FAM53A: variants seen among roughly 807,000 people sequenced by gnomAD.
FAM53A encodes family with sequence similarity 53 member A, also known as protein FAM53A.
Under a neutral mutation model 26.6 loss-of-function variants are expected in FAM53A, and 28 were observed. The observed-to-expected ratio is 1.05, with a 90% CI of 0.78 to 1.45. The LOEUF (loss-of-function observed/expected upper bound fraction) is 1.45, where lower values mean the gene tolerates loss of function less well. Ranked by LOEUF, FAM53A falls within the 40% of genes most tolerant of loss-of-function variation. The pLI is 0.00. For synonymous variants in FAM53A, 290 were observed against 253.1 expected (o/e 1.15, Z -1.38); for missense variants, 650 against 575.8 (o/e 1.13, Z -1.32).
chr4:1,576,936 T>G, the FAM53A span, among the ~76,000 whole-genome samples: 1 of 152,140 alleles, frequency 6.6e-6, no homozygotes, highest in Non-Finnish European at 1.5e-5. Context: ...CAGAGCTTAG[T>G]TGGTCTCCTC....
chr4:1,650,628 T>C (rs560125197), intron 4 of FAM53A, among the ~76,000 whole-genome samples: 1 of 152,082 alleles, frequency 6.6e-6, no homozygotes, highest in East Asian at 2.0e-4. Flanking sequence ...CCCAAGTAGC[T>C]AGGACTACAG....
intron 4 of FAM53A, among the ~76,000 whole-genome samples, chr4:1,651,311 C>T (rs1368996884): frequency 6.6e-6 from 1 of 151,350 alleles, no homozygotes; most frequent in Non-Finnish European, 1.5e-5. Flanking sequence ...GCAGGCGGAT[C>T]ACCTGAGGTC....
At chr4:1,590,837 C>A in the FAM53A span, among the ~76,000 whole-genome samples, 1 of 150,714 alleles carries the variant, frequency 6.6e-6, no homozygotes. Flanking sequence ...TATATTTAAT[C>A]TATTGTTTTA....
In FAM53A at chr4:1,630,798, G is replaced by A. The variant is rs912298180; in HGVS notation, c.432-12687C>T. On this transcript the variant is annotated intron_variant, in intron 1 of 1. Transcript: ENST00000489029. The surrounding 1 kb of genome is among the most constrained non-coding windows in gnomAD (Gnocchi z 4.3). ...TCGTGGGGAGGGGGCTCATTTGGGCGATGGGATAAAATGGTTTGGAACCAG... is the reference window on the plus strand; with the variant it reads ...TCGTGGGGAGGGGGCTCATTTGGGCAATGGGATAAAATGGTTTGGAACCAG... 1.3e-5 allele frequency among the ~76,000 whole-genome samples: 2 copies of A among 152,198 alleles called. No individual in the cohort carries two copies. The highest frequency in any genetic ancestry group is 2.9e-5 in the Non-Finnish European group (2 of 68,044).
chr4:1,668,730 G>A lies in FAM53A; in HGVS notation c.12C>T (p.Leu4=), dbSNP rs375876207. The part of the protein sequence containing the change: MVT[L]ITEKLQSQSL... The stretch of plus-strand genomic sequence containing the variant: ...TCTGGCTCTGCAGCTTCTCAGTGAT[G>A]AGTGTGACCATGGTCGGGGCCCCGT... The change falls in exon 2 of 5, where the codon CTC becomes CTT. Residue 4 remains leucine, a synonymous_variant. Coordinates refer to ENST00000308132, the MANE Select transcript of FAM53A (RefSeq NM_001174070.3). The A allele has an allele frequency of 1.7e-5, 27 of 1,614,084 alleles. No individual in the cohort carries two copies. In the African/African-American group the frequency reaches 2.7e-4, roughly 16 times the overall value.
intron 2 of FAM53A, among the ~76,000 whole-genome samples, chr4:1,666,349 C>T (rs1714233087): frequency 2.0e-5 from 3 of 149,142 alleles, no homozygotes; most frequent in Non-Finnish European, 4.5e-5. Context: ...CACCTGCACC[C>T]CCTGTATCTA....
chr4:1,628,806 G>T (rs1715476067), intron 1 of FAM53A, among the ~76,000 whole-genome samples: 1 of 100,876 alleles, frequency 9.9e-6, no homozygotes, highest in Admixed American at 9.7e-5. Flanking sequence ...TGGGGGGAGG[G>T]TGGCATGGGG....
chr4:1,642,496 C>T (rs1711806845), intron 4 of FAM53A, among the ~76,000 whole-genome samples: 1 of 152,108 alleles, frequency 6.6e-6, no homozygotes, highest in South Asian at 2.1e-4. Context: ...ATAGGGGGTC[C>T]CCCCAGGCTG....
At chr4:1,633,933 T>G (rs1419356469) in intron 1 of FAM53A, among the ~76,000 whole-genome samples, 3 of 152,094 alleles carry the variant, frequency 2.0e-5, no homozygotes, top group African/African-American at 7.2e-5. Context: ...TCACTTCCTG[T>G]TCAGCACCAA....
intron 1 of FAM53A, among the ~76,000 whole-genome samples, chr4:1,682,570 T>C (rs544816783): frequency 1.3e-5 from 2 of 152,294 alleles, no homozygotes; most frequent in Admixed American, 6.5e-5. Context: ...CTTAATTTCC[T>C]TTTTTAGAAA....
chr4:1,616,675 T>G (rs1714821142), downstream of FAM53A, among the ~76,000 whole-genome samples: 1 of 152,232 alleles, frequency 6.6e-6, no homozygotes, highest in Admixed American at 6.5e-5. Flanking sequence ...GTGAAGGCTT[T>G]GATAAGAAGG....
At chr4:1,656,570 G>A (rs1390787812) in intron 3 of FAM53A, among the ~76,000 whole-genome samples, 3 of 152,248 alleles carry the variant, frequency 2.0e-5, no homozygotes, top group Non-Finnish European at 2.9e-5. Context: ...TGTAGGAAGC[G>A]CTGCGGGGCT....
intron 2 of FAM53A, among the ~76,000 whole-genome samples, chr4:1,660,744 C>T (rs1713768316): frequency 1.3e-5 from 2 of 151,994 alleles, no homozygotes; most frequent in Non-Finnish European, 2.9e-5. Flanking sequence ...AAAAAATTAG[C>T]CAGGCGTGGT....
intron 4 of FAM53A, among the ~76,000 whole-genome samples, chr4:1,649,176 AGGGAAG>A (rs149269189): frequency 1.1e-3 from 121 of 106,148 alleles, no homozygotes; most frequent in Middle Eastern, 4.6e-3. Flanking sequence ...GGAAAGGGAA[AGGGAAG>A]GGGAAGGGGA....
At chr4:1,585,278 T>TC in the FAM53A span, among the ~76,000 whole-genome samples, 6 of 48,954 alleles carry the variant, frequency 1.2e-4, no homozygotes, top group Admixed American at 2.0e-4. Context: ...CTCTCTCTCT[T>TC]TTTTTTTTTT....
chr4:1,595,878 G>A, the FAM53A span, among the ~76,000 whole-genome samples: 1 of 152,190 alleles, frequency 6.6e-6, no homozygotes, highest in Admixed American at 6.5e-5. Context: ...CCACCCCAGA[G>A]GCCAGTCTGA....
intron 2 of FAM53A, among the ~76,000 whole-genome samples, chr4:1,660,970 C>T (rs1713790545): frequency 6.6e-6 from 1 of 152,112 alleles, no homozygotes; most frequent in African/African-American, 2.4e-5. Context: ...GGCTGGAGGA[C>T]ACCACAGCCC....
rs1176543468 is a variant in FAM53A, at chr4:1,632,166, A to C, written c.432-14055T>G. Among the ~76,000 whole-genome samples the C allele has an allele frequency of 2.0e-5, 3 of 151,194 alleles. No homozygotes were observed. In the South Asian group the frequency reaches 6.3e-4, roughly 32 times the overall value. On this transcript the variant is annotated intron_variant, in intron 1 of 1. Coordinates refer to the FAM53A transcript ENST00000489029. ...GTGACACAGTAAGATTCCATCTCAA[A>C]AAAAAAAAAAAAAAAGTTTAGTATT...
rs574102929 is a variant in FAM53A, at chr4:1,621,101, C to CTTTTTTTTTTTTTTTTT, written c.432-3007_432-2991dup. On this transcript the variant is annotated intron_variant, in intron 1 of 1. Coordinates refer to the FAM53A transcript ENST00000489029. ...TTTCCTAGCTGAGTCAGCTACGCTA[C>CTTTTTTTTTTTTTTTTT]TTTTTTTTTTTTTTTTTTTTTGAGA... 1.9e-4 allele frequency among the ~76,000 whole-genome samples: 18 copies of CTTTTTTTTTTTTTTTTT among 95,520 alleles called. 3 individuals are homozygous for CTTTTTTTTTTTTTTTTT. The highest frequency in any genetic ancestry group is 9.5e-4 in the East Asian group (3 of 3,160). 62.7% of individuals were successfully genotyped at this position (95,520 alleles called of 152,430 possible).
Sources: allele counts gnomAD v4.1 joint callset (sites outside exome capture counted in the v4.1 genomes callset), GRCh38; gene constraint gnomAD v4.1.1; non-coding constraint Gnocchi (gnomAD v3.1); transcripts MANE v1.5; gene names NCBI Gene and HGNC (gene_info 2026-07-23, HGNC 2026-07-21).